HPSE: variants seen among roughly 807,000 people sequenced by gnomAD.
The protein encoded by HPSE is heparanase, also known as endo-glucoronidase.
HPSE carries 48 observed loss-of-function variants against 65.1 expected under a neutral mutation model. That is an observed-to-expected ratio of 0.74 (90% CI 0.58 to 0.94). The LOEUF is 0.94. HPSE is among the 40% of genes least tolerant of loss of function. HPSE has a pLI of 0.00. For synonymous variants in HPSE, 243 were observed against 260.0 expected (o/e 0.93, Z 0.63); for missense variants, 644 against 637.5 (o/e 1.01, Z -0.11).
At chr4:83,322,134 T>C (rs1291452911) in intron 2 of HPSE, 85 bp downstream of exon 2, 3 of 1,126,724 alleles carry the variant, frequency 2.7e-6, no homozygotes, top group African/African-American at 1.5e-5. Flanking sequence ...AATTGTTAGG[T>C]GTGAGAAATA....
At chr4:83,312,680 A>T (rs1171817243) in intron 4 of HPSE, among the ~76,000 whole-genome samples, 4 of 6,298 alleles carry the variant, frequency 6.4e-4, no homozygotes, top group Admixed American at 2.2e-3. Flanking sequence ...TCCGTCTCAA[A>T]AAAAAAAAAA....
At chr4:83,295,573 T>C in intron 11 of HPSE, 70 bp from the exon 12 acceptor site, 2 of 1,315,954 alleles carry the variant, frequency 1.5e-6, no homozygotes, top group East Asian at 2.5e-5. Flanking sequence ...ACAAAAGTCA[T>C]GAAATCTTTT....
chr4:83,332,405 T>C (rs1449470203), intron 1 of HPSE, among the ~76,000 whole-genome samples: 1 of 152,240 alleles, frequency 6.6e-6, no homozygotes, highest in Non-Finnish European at 1.5e-5. Context: ...TCGATGCGTC[T>C]GGGGAGCAGG....
chr4:83,330,106 C>T (rs1187005875), intron 1 of HPSE, among the ~76,000 whole-genome samples: 1 of 152,060 alleles, frequency 6.6e-6, no homozygotes, highest in African/African-American at 2.4e-5. Context: ...GGTAATTTGC[C>T]CAAGGTAACA....
intron 9 of HPSE, among the ~76,000 whole-genome samples, chr4:83,302,475 T>G (rs1221721201): frequency 2.0e-5 from 3 of 152,070 alleles, no homozygotes; most frequent in South Asian, 4.1e-4. Flanking sequence ...TGCTGCTTTT[T>G]ATCACTGGAG....
At chr4:83,311,519 T>G (rs751119560) in intron 4 of HPSE, among the ~76,000 whole-genome samples, 3 of 151,840 alleles carry the variant, frequency 2.0e-5, no homozygotes, top group Non-Finnish European at 2.9e-5. Flanking sequence ...AAAAAAGGTT[T>G]GAGACCGGGC....
upstream of HPSE, chr4:83,335,047 C>G (rs1489402975): frequency 5.9e-6 from 3 of 512,320 alleles, no homozygotes; most frequent in African/African-American, 4.0e-5. Context: ...CGTTCACTTA[C>G]GAAATCACCC....
intron 9 of HPSE, among the ~76,000 whole-genome samples, chr4:83,303,956 ATTT>A (rs899190511): frequency 2.6e-5 from 4 of 152,158 alleles, no homozygotes; most frequent in African/African-American, 9.7e-5. Flanking sequence ...AGGAAATTAT[ATTT>A]TCCTCCTACT....
At chr4:83,306,745 A>G (rs1454813175) in intron 8 of HPSE, among the ~76,000 whole-genome samples, 1 of 152,160 alleles carries the variant, frequency 6.6e-6, no homozygotes, top group Non-Finnish European at 1.5e-5. Context: ...CCCTTTTCTG[A>G]AAAGACCCCC....
At chr4:83,329,491 T>C (rs567229013) in intron 1 of HPSE, among the ~76,000 whole-genome samples, 2 of 152,246 alleles carry the variant, frequency 1.3e-5, no homozygotes, top group South Asian at 2.1e-4. Context: ...GAAGAAGCTG[T>C]TCAGTGGAGG....
intron 3 of HPSE, among the ~76,000 whole-genome samples, chr4:83,317,292 T>A (rs1179296196): frequency 6.6e-6 from 1 of 152,174 alleles, no homozygotes; most frequent in African/African-American, 2.4e-5. Context: ...TTGTGGTATG[T>A]CCCCATGTCA....
At chr4:83,316,537 C>T (rs1736649524) in intron 3 of HPSE, among the ~76,000 whole-genome samples, 3 of 152,108 alleles carry the variant, frequency 2.0e-5, no homozygotes, top group Admixed American at 2.0e-4. Context: ...AGATCTTTCC[C>T]TTGGACTGTA....
rs141030645 is a variant in HPSE, at chr4:83,334,335, C to G, written c.227+221G>C. Among the ~76,000 whole-genome samples the G allele has an allele frequency of 3.1e-4, 47 of 152,132 alleles. No homozygotes were observed. In the East Asian group the frequency reaches 8.1e-3, roughly 26 times the overall value. On this transcript the variant is annotated intron_variant, in intron 1 of 11. Coordinates refer to ENST00000311412, the MANE Select transcript of HPSE (RefSeq NM_001098540.3). ...TGGAACAGAACTGCACTTGTAACCC[C>G]TAAATCTATTTTTTAAATGATACCC...
chr4:83,308,005 T>C (rs550019173), intron 8 of HPSE, among the ~76,000 whole-genome samples: 184 of 152,330 alleles, frequency 1.2e-3, no homozygotes, highest in African/African-American at 4.3e-3. Flanking sequence ...CCTCATACTT[T>C]AGGCTCTAAA....
intron 4 of HPSE, among the ~76,000 whole-genome samples, chr4:83,311,316 T>C (rs1336553117): frequency 6.6e-6 from 1 of 150,966 alleles, no homozygotes; most frequent in Admixed American, 6.6e-5. Flanking sequence ...AAAAATAAAA[T>C]AAATAAGTAA....
At position 83,310,790 on chromosome 4, in the gene HPSE, G is replaced by T. The variant is rs1489889247; in HGVS notation, c.774C>A (p.Phe258Leu). 3.7e-6 allele frequency: 6 copies of T among 1,614,106 alleles called. No homozygotes were observed. The highest frequency in any genetic ancestry group is 5.1e-6 in the Non-Finnish European group (6 of 1,180,002). The change falls in exon 5 of 12, where the codon TTC (phenylalanine) becomes TTA (leucine). Residue 258 changes from phenylalanine to leucine, a missense_variant. Phe to Leu is a conservative substitution (Grantham distance 22). Transcript: ENST00000311412. ...CAGGACCATAGAGTTTTGCATTTTT[G>T]AAGGTGGACTTTCTTAGAAGTTTAT... The part of the protein sequence containing the change: ...QLHKLLRKST[F>L]KNAKLYGPDV...
Position 83,326,004 on chromosome 4 carries a change from G to A in HPSE, c.228-3640C>T, listed in dbSNP as rs538101240. 1.3e-5 allele frequency among the ~76,000 whole-genome samples: 2 copies of A among 152,228 alleles called. No homozygotes were observed. Among genetic ancestry groups the A allele is most frequent in the South Asian group, 2.1e-4 (1 of 4,818 alleles). On this transcript the variant is annotated intron_variant, in intron 1 of 11. Transcript: ENST00000311412. This position sits in a 1 kb window ranked among gnomAD's most constrained non-coding sequence, Gnocchi z 4.2. ...ATAGGGCCACATCACGGAGGGCCCC[G>A]TAAGCCACATGTCCAGGAGTGCCAA... is the stretch of plus-strand genomic sequence containing the variant.
At chr4:83,299,006 G>A (rs1735833897) in intron 11 of HPSE, among the ~76,000 whole-genome samples, 1 of 151,898 alleles carries the variant, frequency 6.6e-6, no homozygotes, top group African/African-American at 2.4e-5. Context: ...GAGAATTTAG[G>A]GGAACAAAAC....
intron 11 of HPSE, among the ~76,000 whole-genome samples, chr4:83,299,717 T>A (rs1735868171): frequency 6.6e-6 from 1 of 151,890 alleles, no homozygotes; most frequent in Admixed American, 6.6e-5. Context: ...TTTATTTATT[T>A]TTTTGAGACA....
Sources: gnomAD v4.1 joint callset for allele counts (sites outside exome capture counted in the v4.1 genomes callset) on GRCh38, gnomAD v4.1.1 for gene constraint, Gnocchi (gnomAD v3.1) non-coding constraint, MANE v1.5 for transcripts, NCBI Gene and HGNC (gene_info 2026-07-23, HGNC 2026-07-21) for gene names.